The following ARHGEF26 variants were observed in gnomAD, a reference collection of about 807,000 sequenced individuals.
The protein encoded by ARHGEF26 is Rho guanine nucleotide exchange factor 26, also known as Rho guanine nucleotide exchange factor (GEF) 26.
ARHGEF26 carries 59 observed loss-of-function variants against 89.4 expected under a neutral mutation model. The observed-to-expected ratio is 0.66, with a 90% CI of 0.54 to 0.82. The LOEUF is 0.82. Ranked by LOEUF, ARHGEF26 falls within the 40% of genes least tolerant of loss-of-function variation. The probability of loss-of-function intolerance (pLI) is 0.00; values close to 1 mark genes in which losing one functional copy is unlikely to be tolerated. For missense variants in ARHGEF26, 1,234 were observed against 1,085.6 expected, an observed-to-expected ratio of 1.14 and a Z score of -1.92; for synonymous variants, 500 against 428.4, an observed-to-expected ratio of 1.17 and a Z score of -2.06.
At chr3:154,177,484 A>T (rs1712898562) in intron 6 of ARHGEF26, among the ~76,000 whole-genome samples, 1 of 152,178 alleles carries the variant, frequency 6.6e-6, no homozygotes, top group East Asian at 1.9e-4. Flanking sequence ...TGTGGACATA[A>T]CTGTCTCTAA....
chr3:154,124,396 T>C lies in ARHGEF26; in HGVS notation c.1084-14T>C. On this transcript the variant is annotated splice_polypyrimidine_tract_variant and intron_variant, in intron 2 of 14. Coordinates refer to ENST00000465093, the MANE Select transcript of ARHGEF26 (RefSeq NM_015595.4). Reference sequence around the variant, plus strand: ...CCTTTTTTTTTTTTTTTTTTACTTTTTTTTGTCTCTTAGAAAAAAATGCTG... The same window carrying C: ...CCTTTTTTTTTTTTTTTTTTACTTTCTTTTGTCTCTTAGAAAAAAATGCTG... The C allele has an allele frequency of 7.0e-7, 1 of 1,433,372 alleles. No individual in the cohort carries two copies. Among genetic ancestry groups the C allele is most frequent in the Non-Finnish European group, 9.2e-7 (1 of 1,084,968 alleles). 88.8% of individuals were successfully genotyped at this position (1,433,372 alleles called of 1,614,324 possible).
intron 4 of ARHGEF26, among the ~76,000 whole-genome samples, chr3:154,135,835 A>G (rs764329829): frequency 1.8e-4 from 27 of 152,196 alleles, no homozygotes; most frequent in Non-Finnish European, 3.7e-4. Context: ...GATTTTGACT[A>G]GAGTTTTTGC....
Position 154,129,606 on chromosome 3 carries a change from A to G in ARHGEF26, c.1156A>G (p.Lys386Glu). ...NAVLYQNYKEKALDIDSDEES... is the reference protein window; with the variant it reads ...NAVLYQNYKEEALDIDSDEES... ...TGTCCTGTATCAAAACTACAAGGAA[A>G]AGGCCCTTGACATTGATTCTGATGA... Residue 386 changes from lysine (K) to glutamate (E), a missense_variant, in exon 4 of 15, where the codon AAG becomes GAG. By Grantham distance (56) the Lys-to-Glu change is moderately conservative (BLOSUM62 1). Transcript: ENST00000465093. 4 of 1,611,766 alleles carry G rather than the reference A, an allele frequency of 2.5e-6. No individual in the cohort carries two copies. Among genetic ancestry groups the G allele is most frequent in the Non-Finnish European group, 3.4e-6 (4 of 1,178,848 alleles).
intron 4 of ARHGEF26, among the ~76,000 whole-genome samples, chr3:154,140,450 T>C (rs895472323): frequency 5.3e-4 from 81 of 152,304 alleles, no homozygotes; most frequent in Middle Eastern, 3.4e-3. Flanking sequence ...GAACTATGTT[T>C]CTCCCAGGTG....
chr3:154,245,909 G>A (rs1421848935), intron 12 of ARHGEF26, among the ~76,000 whole-genome samples: 1 of 152,196 alleles, frequency 6.6e-6, no homozygotes, highest in East Asian at 1.9e-4. Context: ...GTGAAGAACC[G>A]ATCCCCTTGG....
Position 154,256,571 on chromosome 3 carries a change from A to AC in ARHGEF26, c.*1098_*1099insC, listed in dbSNP as rs1718521718. 1.0e-6 allele frequency: 1 copy of AC among 999,900 alleles called. No homozygotes were observed. Among genetic ancestry groups the AC allele is most frequent in the Non-Finnish European group, 1.2e-6 (1 of 840,368 alleles). 61.9% of individuals were successfully genotyped at this position (999,900 alleles called of 1,614,324 possible). A position where few individuals can be genotyped will look rare whatever the true frequency, so the allele number is the denominator to read the frequency against. ...ATTAAAAAAAAAAAAAAAAAAAAAA[A>AC]AAAACCTTCCCAAATGAGCTGATAA... On this transcript the variant is annotated 3_prime_UTR_variant, in exon 15 of 15. Coordinates refer to ENST00000465093, the MANE Select transcript of ARHGEF26 (RefSeq NM_015595.4).
In ARHGEF26 at chr3:154,203,388, G is replaced by T. The variant is rs111845168; in HGVS notation, c.1845+8670G>T. On this transcript the variant is annotated intron_variant, in intron 9 of 14. Transcript: ENST00000465093. ...GGATAAGCTTTTTGATGTGCTGCTG[G>T]ATTCGGGTTACCAGTATTTTATTGA... Among the ~76,000 whole-genome samples the T allele has an allele frequency of 1.4e-3, 212 of 152,196 alleles. 2 individuals are homozygous for T. Among genetic ancestry groups the T allele is most frequent in the African/African-American group, 4.9e-3 (202 of 41,526 alleles).
At chr3:154,162,220 G>T (rs1711708528) in intron 6 of ARHGEF26, among the ~76,000 whole-genome samples, 1 of 152,126 alleles carries the variant, frequency 6.6e-6, no homozygotes, top group African/African-American at 2.4e-5. Context: ...AAAACAAGCA[G>T]GACCACACAG....
At chr3:154,177,762 T>C (rs1162671105) in intron 6 of ARHGEF26, among the ~76,000 whole-genome samples, 2 of 152,172 alleles carry the variant, frequency 1.3e-5, no homozygotes, top group Non-Finnish European at 2.9e-5. Context: ...CTTGGGACTT[T>C]TCATAAGATT....
intron 9 of ARHGEF26, among the ~76,000 whole-genome samples, chr3:154,204,976 T>C (rs1714922576): frequency 6.6e-6 from 1 of 152,224 alleles, no homozygotes; most frequent in Non-Finnish European, 1.5e-5. Context: ...ATGTGTATTT[T>C]ATAGCTCCTG....
At chr3:154,140,729 C>T (rs1414678269) in intron 4 of ARHGEF26, among the ~76,000 whole-genome samples, 6 of 151,422 alleles carry the variant, frequency 4.0e-5, no homozygotes, top group Admixed American at 2.0e-4. Context: ...TACAGGCACA[C>T]GCCACCACGC....
intron 10 of ARHGEF26, among the ~76,000 whole-genome samples, chr3:154,222,726 A>G (rs879913191): frequency 6.6e-6 from 1 of 152,196 alleles, no homozygotes; most frequent in Admixed American, 6.5e-5. Flanking sequence ...AAGCTTGACT[A>G]TCAAGAGGAT....
At chr3:154,193,107 G>A (rs1018486222) in intron 8 of ARHGEF26, among the ~76,000 whole-genome samples, 2 of 152,234 alleles carry the variant, frequency 1.3e-5, no homozygotes, top group Admixed American at 6.5e-5. Flanking sequence ...GAGAATATGT[G>A]TATGCACAAA....
chr3:154,214,233 G>T (rs918401903), intron 9 of ARHGEF26, among the ~76,000 whole-genome samples: 2 of 152,182 alleles, frequency 1.3e-5, no homozygotes. Flanking sequence ...GCCTTTTAAG[G>T]ATTTCTAGTG....
At chr3:154,146,245 A>C (rs756542658) in intron 4 of ARHGEF26, among the ~76,000 whole-genome samples, 1 of 152,198 alleles carries the variant, frequency 6.6e-6, no homozygotes, top group East Asian at 1.9e-4. Flanking sequence ...TCTGGGGCCT[A>C]TTTTAAAGGG....
intron 5 of ARHGEF26, among the ~76,000 whole-genome samples, chr3:154,151,820 C>T (rs1576708088): frequency 1.3e-5 from 2 of 152,288 alleles, no homozygotes; most frequent in Non-Finnish European, 1.5e-5. Context: ...CCACAGTACC[C>T]TCTGCTCTTT....
chr3:154,143,452 A>C (rs1719509104), intron 4 of ARHGEF26, among the ~76,000 whole-genome samples: 1 of 152,182 alleles, frequency 6.6e-6, no homozygotes, highest in Non-Finnish European at 1.5e-5. Context: ...TAAAGCCCAC[A>C]TACTAGCTCC....
At chr3:154,146,402 C>G (rs1313245142) in intron 4 of ARHGEF26, among the ~76,000 whole-genome samples, 6 of 137,770 alleles carry the variant, frequency 4.4e-5, no homozygotes, top group Admixed American at 7.5e-5. Context: ...AAAAAGGAAA[C>G]CGGCATGATT....
intron 6 of ARHGEF26, among the ~76,000 whole-genome samples, chr3:154,171,597 C>G (rs529337144): frequency 8.5e-5 from 13 of 152,206 alleles, no homozygotes; most frequent in South Asian, 2.1e-4. Flanking sequence ...TTTTCTAATG[C>G]TGTTGAGTTT....
Sources: allele counts gnomAD v4.1 joint callset (sites outside exome capture counted in the v4.1 genomes callset), GRCh38; gene constraint gnomAD v4.1.1; transcripts MANE v1.5; gene names NCBI Gene and HGNC (gene_info 2026-07-23, HGNC 2026-07-21).